The following CDC42BPB variants were observed in gnomAD, a reference collection of about 807,000 sequenced individuals.
The protein encoded by CDC42BPB is serine/threonine-protein kinase MRCK beta.
A neutral mutation model predicts 214.9 loss-of-function variants in CDC42BPB; 37 were observed. The ratio of observed to expected loss-of-function variants is 0.17; its 90% CI spans 0.13 to 0.23. The LOEUF is 0.23. CDC42BPB is among the 10% of genes least tolerant of loss of function. The pLI is 1.00. For synonymous variants in CDC42BPB, 931 were observed against 884.0 expected (o/e 1.05, Z -0.94); for missense variants, 1,694 against 2,227.0 (o/e 0.76, Z 4.82).
At chr14:102,986,435 A>T in intron 6 of CDC42BPB, 52 bp downstream of exon 6, 1 of 1,289,070 alleles carries the variant, frequency 7.8e-7, no homozygotes, top group Non-Finnish European at 1.1e-6. Context: ...TTCCCTTCTG[A>T]CTATATGCCA....
chr14:102,972,279 T>C (rs962586213), intron 12 of CDC42BPB, 118 bp from the exon 13 acceptor site: 34 of 1,530,960 alleles, frequency 2.2e-5, no homozygotes, highest in Non-Finnish European at 3.0e-5. Flanking sequence ...GGTTACAGAT[T>C]AGAGCCACAG....
intron 7 of CDC42BPB, among the ~76,000 whole-genome samples, chr14:102,982,157 T>A (rs1894033123): frequency 6.6e-6 from 1 of 152,276 alleles, no homozygotes; most frequent in Admixed American, 6.5e-5. Context: ...CAATTTTCAT[T>A]ATCTACAATA....
intron 1 of CDC42BPB, among the ~76,000 whole-genome samples, chr14:103,038,161 C>T (rs1887776471): frequency 6.6e-6 from 1 of 151,444 alleles, no homozygotes; most frequent in Admixed American, 6.6e-5. Context: ...ATGGCGAAAC[C>T]CCGTCTCTAC....
intron 1 of CDC42BPB, among the ~76,000 whole-genome samples, chr14:103,025,940 C>T (rs1887028455): frequency 6.6e-6 from 1 of 152,004 alleles, no homozygotes; most frequent in African/African-American, 2.4e-5. Context: ...ACAGACACAA[C>T]CCCAAGATCA....
chr14:102,968,938 G>GC, intron 14 of CDC42BPB: 1 of 973,772 alleles, frequency 1.0e-6, no homozygotes, highest in Non-Finnish European at 1.2e-6. Context: ...GTCTGCCTGG[G>GC]ACCCCCGAAG....
At chr14:103,041,851 A>G in intron 1 of CDC42BPB, 1 of 396,678 alleles carries the variant, frequency 2.5e-6, no homozygotes, top group South Asian at 2.3e-5. Flanking sequence ...CTACCCCAGG[A>G]AGCCCTCGGC....
intron 1 of CDC42BPB, chr14:103,042,047 CAA>C (rs1232227693): frequency 1.0e-5 from 2 of 200,754 alleles, no homozygotes. Context: ...GGCATACCGG[CAA>C]AGAGACAAGG....
At chr14:102,953,990 A>G (rs1317631423) in intron 23 of CDC42BPB, among the ~76,000 whole-genome samples, 1 of 152,260 alleles carries the variant, frequency 6.6e-6, no homozygotes, top group Non-Finnish European at 1.5e-5. Context: ...TAGCACTGGT[A>G]TCATTAAGAA....
At chr14:102,960,617 A>C (rs1280199389) in intron 20 of CDC42BPB, among the ~76,000 whole-genome samples, 1 of 152,080 alleles carries the variant, frequency 6.6e-6, no homozygotes, top group Admixed American at 6.5e-5. Context: ...CACACACACA[A>C]AAAAACACAT....
chr14:102,983,479 T>G lies in CDC42BPB; in HGVS notation c.891+77A>C, dbSNP rs1894099182. The G allele has an allele frequency of 1.9e-6, 3 of 1,580,136 alleles. No individual in the cohort carries two copies. In the Admixed American group the frequency reaches 5.2e-5, roughly 28 times the overall value. On this transcript the variant is annotated intron_variant, in intron 7 of 36. Transcript: ENST00000361246. The stretch of plus-strand genomic sequence containing the variant: ...TACTCGCGTTGCTTCCTAACGGATC[T>G]TCCTGCACTAGTTGTGCTCTCTGTA...
chr14:102,996,705 G>A (rs751371747), intron 5 of CDC42BPB, among the ~76,000 whole-genome samples: 2 of 151,622 alleles, frequency 1.3e-5, no homozygotes, highest in African/African-American at 4.9e-5. Context: ...CTAGCTACTC[G>A]GGAGGCTGAG....
At chr14:103,020,880 T>C (rs1037762879) in intron 1 of CDC42BPB, among the ~76,000 whole-genome samples, 2 of 152,252 alleles carry the variant, frequency 1.3e-5, no homozygotes, top group Non-Finnish European at 2.9e-5. Context: ...ACACAAAATG[T>C]GTTTTCTTTG....
chr14:103,003,502 A>AC (rs35645199), intron 4 of CDC42BPB, among the ~76,000 whole-genome samples: 47 of 151,476 alleles, frequency 3.1e-4, no homozygotes, highest in South Asian at 8.4e-4. Context: ...GGCCTGGGGC[A>AC]CCCCCCCCAC....
chr14:102,959,883 A>G (rs1892881463), intron 20 of CDC42BPB, 173 bp from the exon 21 acceptor site: 4 of 957,546 alleles, frequency 4.2e-6, no homozygotes, highest in African/African-American at 3.6e-5. Flanking sequence ...TTCCCCAGAG[A>G]GTAACAAGAA....
chr14:103,023,811 T>G (rs1169350678), intron 1 of CDC42BPB, among the ~76,000 whole-genome samples: 1 of 152,196 alleles, frequency 6.6e-6, no homozygotes. Context: ...TATTCTAATA[T>G]GCAGATTTTG....
chr14:102,950,652 G>C, intron 24 of CDC42BPB, 50 bp from the exon 25 acceptor site: 1 of 1,492,632 alleles, frequency 6.7e-7, no homozygotes, highest in South Asian at 1.3e-5. Flanking sequence ...CTACAGAGAA[G>C]TCACTGCAGA....
At chr14:103,020,744 A>C (rs1886725508) in intron 1 of CDC42BPB, among the ~76,000 whole-genome samples, 1 of 152,246 alleles carries the variant, frequency 6.6e-6, no homozygotes, top group South Asian at 2.1e-4. Flanking sequence ...AGGCGCCTTC[A>C]CAGGACCACC....
chr14:102,939,910 G>A lies in CDC42BPB; in HGVS notation c.4629C>T (p.Ser1543=). Residue 1543 remains serine, a synonymous_variant, in exon 33 of 37, where the codon AGC becomes AGT. Transcript: ENST00000361246. ...VLNVPDTSDN[S]KKQMLRTRSK... ...TCCTGGTGCGCAGCATCTGCTTCTT[G>A]CTGTTGTCGGAGGTGTCCGGCACGT... The A allele has an allele frequency of 6.2e-7, 1 of 1,614,010 alleles. No individual in the cohort carries two copies. The highest frequency in any genetic ancestry group is 8.5e-7 in the Non-Finnish European group (1 of 1,180,052).
intron 5 of CDC42BPB, among the ~76,000 whole-genome samples, chr14:102,998,588 C>A (rs1169809543): frequency 2.0e-5 from 3 of 152,226 alleles, no homozygotes; most frequent in African/African-American, 7.2e-5. Context: ...GACTCAGTGG[C>A]TGAGTCACTG....
Sources: allele counts gnomAD v4.1 joint callset (sites outside exome capture counted in the v4.1 genomes callset), GRCh38; gene constraint gnomAD v4.1.1; transcripts MANE v1.5; gene names NCBI Gene and HGNC (gene_info 2026-07-23, HGNC 2026-07-21).